The following AIFM1 variants were observed in gnomAD, a reference collection of about 807,000 sequenced individuals.
AIFM1 encodes apoptosis inducing factor mitochondria associated 1.
AIFM1 carries 3 observed loss-of-function variants against 51.7 expected under a neutral mutation model. The observed-to-expected ratio is 0.06, with a 90% CI of 0.03 to 0.15. The LOEUF (loss-of-function observed/expected upper bound fraction) is 0.15, where lower values mean the gene tolerates loss of function less well. Ranked by LOEUF, AIFM1 falls within the 10% of genes least tolerant of loss-of-function variation. AIFM1 has a pLI of 1.00. For missense variants in AIFM1, 330 were observed against 476.8 expected (o/e 0.69, Z 2.87); for synonymous variants, 178 against 179.4 (o/e 0.99, Z 0.06).
chrX:130,136,276 G>T (rs1031235918), intron 11 of AIFM1, 91 bp from the exon 12 acceptor site: 8 of 1,069,007 alleles, frequency 7.5e-6, no homozygotes, highest in African/African-American at 3.7e-5. Flanking sequence ...ATTAAGAATT[G>T]GGACTTTAAA....
intron 1 of AIFM1, among the ~76,000 whole-genome samples, chrX:130,161,764 C>A (rs1009698033): frequency 9.1e-6 from 1 of 109,496 alleles, no homozygotes; most frequent in Non-Finnish European, 1.9e-5. Context: ...TGTGCCACCA[C>A]GCTTGGCTAA....
At chrX:130,131,934 G>A (rs2030103741) in intron 13 of AIFM1, 135 bp from the exon 14 acceptor site, 1 of 775,208 alleles carries the variant, frequency 1.3e-6, no homozygotes, top group East Asian at 3.3e-5. Context: ...TGCAATGGGT[G>A]CGAACTCAGT....
chrX:130,132,592 G>A (rs778219255), intron 13 of AIFM1, among the ~76,000 whole-genome samples: 1 of 111,746 alleles, frequency 8.9e-6, no homozygotes, highest in Non-Finnish European at 1.9e-5. Flanking sequence ...AAATTCAGAC[G>A]AGCTCTTGCT....
intron 8 of AIFM1, among the ~76,000 whole-genome samples, chrX:130,139,497 T>C (rs759794283): frequency 8.9e-6 from 1 of 111,902 alleles, no homozygotes; most frequent in Non-Finnish European, 1.9e-5. Flanking sequence ...GCCAAGAGGC[T>C]GTAAGGGGTT....
In AIFM1 at chrX:130,139,796, T is replaced by C. The variant is rs146944795; in HGVS notation, c.857A>G (p.Lys286Arg). 1 of 1,208,019 alleles carries C rather than the reference T, an allele frequency of 8.3e-7. No homozygotes were observed. The highest frequency in any genetic ancestry group is 2.2e-5 in the Admixed American group (1 of 45,711). Reference protein sequence around the residue: ...EVKSRTTLFRKIGDFRSLEKI... With the variant: ...EVKSRTTLFRRIGDFRSLEKI... ...GAAAACACTAAAGCAGACAATTACC[T>C]TTCTGAAAAGCGTTGTTCTACTCTT... Residue 286 changes from lysine (K) to arginine (R), a missense_variant and splice_region_variant, in exon 8 of 16, where the codon AAG (lysine) becomes AGG (arginine). Lys to Arg is a conservative substitution (Grantham distance 26, BLOSUM62 2). Around this residue, in one of 4 missense-constraint regions of AIFM1, gnomAD observed 152 missense variants for 292.8 expected, o/e 0.52. Coordinates refer to ENST00000287295, the MANE Select transcript of AIFM1 (RefSeq NM_004208.4).
At chrX:130,149,208 C>T (rs1255204440) in intron 3 of AIFM1, among the ~76,000 whole-genome samples, 2 of 111,715 alleles carry the variant, frequency 1.8e-5, no homozygotes, top group Non-Finnish European at 3.8e-5. Context: ...AGGCGTGAGC[C>T]ACCGTGCCCA....
chrX:130,163,167 C>T (rs1397239875), intron 1 of AIFM1, among the ~76,000 whole-genome samples: 2 of 109,544 alleles, frequency 1.8e-5, no homozygotes, highest in African/African-American at 6.7e-5. Context: ...AAAATTAGCC[C>T]GGCGTGGTGG....
At chrX:130,138,344 A>G (rs1032739985) in intron 9 of AIFM1, among the ~76,000 whole-genome samples, 2 of 111,183 alleles carry the variant, frequency 1.8e-5, no homozygotes, top group South Asian at 3.8e-4. Context: ...AGGCGCCTGT[A>G]GTCCCAGCTA....
Position 130,156,470 on chromosome X carries a change from A to G in AIFM1, c.240T>C (p.Ala80=). ...CTGCTTTTCTACTTACATAGGCACC[A>G]GCTCCTACTGTTGATAAGCCCACAA... is the stretch of plus-strand genomic sequence containing the variant. ...VLIVGLSTVG[A]GAYAYKTMKE... Residue 80 remains alanine (A), a synonymous_variant, in exon 2 of 16, where the codon GCT becomes GCC. Coordinates refer to ENST00000287295, the MANE Select transcript of AIFM1 (RefSeq NM_004208.4). 1 of 1,211,881 alleles carries G rather than the reference A, an allele frequency of 8.3e-7. No individual in the cohort carries two copies. The highest frequency in any genetic ancestry group is 1.1e-6 in the Non-Finnish European group (1 of 895,571).
At chrX:130,136,970 A>T (rs1424562914) in intron 10 of AIFM1, 108 bp downstream of exon 10, 7 of 1,190,054 alleles carry the variant, frequency 5.9e-6, no homozygotes, top group African/African-American at 1.8e-5. Flanking sequence ...AACATTTTAC[A>T]GGCCAGGTGA....
At chrX:130,136,526 G>A (rs375161287) in intron 11 of AIFM1, 117 bp downstream of exon 11, 26 of 674,137 alleles carry the variant, frequency 3.9e-5, no homozygotes, top group Non-Finnish European at 2.6e-5. Flanking sequence ...AATTATATCA[G>A]GTTAATGGCA....
intron 1 of AIFM1, among the ~76,000 whole-genome samples, chrX:130,157,168 A>C (rs1327405248): frequency 1.8e-5 from 2 of 112,138 alleles, no homozygotes; most frequent in Admixed American, 9.4e-5. Flanking sequence ...AAAGAACTAA[A>C]AAATTTTGGA....
chrX:130,147,395 C>T, intron 5 of AIFM1, 98 bp downstream of exon 5: 1 of 1,078,341 alleles, frequency 9.3e-7, no homozygotes, highest in Non-Finnish European at 1.3e-6. Flanking sequence ...ACAGCCAAGC[C>T]ATCCCTCCTA....
rs142295482 is a variant in AIFM1 at position 130,130,032 on chromosome X, C to T, written c.1708G>A (p.Asp570Asn). 2.5e-6 allele frequency: 3 copies of T among 1,211,747 alleles called. No homozygotes were observed. The highest frequency in any genetic ancestry group is 3.3e-6 in the Non-Finnish European group (3 of 895,550). ...AGCACAATCCCCACGACCACTTTGT[C>T]CCTGAGGTAGAAGATGACACCTTTG... ...YGKGVIFYLRDKVVVGIVLWN... is the reference protein window; with the variant it reads ...YGKGVIFYLRNKVVVGIVLWN... Residue 570 changes from aspartate to asparagine, a missense_variant, in exon 15 of 16, where the codon GAC becomes AAC. Asp to Asn is a conservative substitution (Grantham distance 23, BLOSUM62 1). Around this residue, in one of 4 missense-constraint regions of AIFM1, gnomAD observed 56 missense variants for 48.8 expected, o/e 1.15. Transcript: ENST00000287295.
At chrX:130,165,462 G>T (rs758854935) in intron 1 of AIFM1, 89 bp downstream of exon 1, 6 of 768,616 alleles carry the variant, frequency 7.8e-6, no homozygotes, top group Non-Finnish European at 1.2e-5. Context: ...AGTTTCTCGC[G>T]GGGACGCGGG....
In AIFM1 at chrX:130,164,167, C is replaced by CA. The variant is rs141655412; in HGVS notation, c.106+1383dup. Among the ~76,000 whole-genome samples, 573 of 74,725 alleles carry CA rather than the reference C, an allele frequency of 7.7e-3. 4 individuals carry two copies. The highest frequency in any genetic ancestry group is 0.037 in the East Asian group (63 of 1,714). 64.9% of individuals were successfully genotyped at this position (74,725 alleles called of 115,157 possible). On this transcript the variant is annotated intron_variant, in intron 1 of 15. Coordinates refer to ENST00000287295, the MANE Select transcript of AIFM1 (RefSeq NM_004208.4). ...TGGGCGACAAAGCGAGACTCCGTCT[C>CA]AAAAAAAAAAAAAAAAAAAATTCAG...
chrX:130,142,527 T>C (rs1049818379), intron 6 of AIFM1, among the ~76,000 whole-genome samples: 1 of 112,025 alleles, frequency 8.9e-6, no homozygotes, highest in Admixed American at 9.5e-5. Flanking sequence ...ATCCAATAGG[T>C]CCCACCTTTG....
At chrX:130,155,716 T>C (rs969313487) in intron 2 of AIFM1, among the ~76,000 whole-genome samples, 6 of 112,231 alleles carry the variant, frequency 5.3e-5, no homozygotes, top group Non-Finnish European at 1.1e-4. Flanking sequence ...AGGGTGTTAC[T>C]AGGTGTTATC....
chrX:130,129,673 C>A (rs759903195), intron 15 of AIFM1, 45 bp from the exon 16 acceptor site: 1 of 1,117,481 alleles, frequency 8.9e-7, no homozygotes, highest in Middle Eastern at 2.4e-4. Context: ...TACTCCATTG[C>A]GTTCAGGCCA....
Sources: gnomAD v4.1 joint callset for allele counts (sites outside exome capture counted in the v4.1 genomes callset) on GRCh38, gnomAD v4.1.1 for gene constraint, gnomAD v4.1.1 regional missense constraint, MANE v1.5 for transcripts, NCBI Gene and HGNC (gene_info 2026-07-23, HGNC 2026-07-21) for gene names.